The following GRID2 variants were observed in gnomAD, a reference collection of about 807,000 sequenced individuals.
GRID2 encodes the protein glutamate ionotropic receptor delta type subunit 2, also known as glutamate receptor ionotropic, delta-2.
In GRID2, 33 loss-of-function variants were observed where a neutral mutation model predicts 114.8. The observed-to-expected ratio is 0.29, with a 90% CI of 0.22 to 0.38. The LOEUF (loss-of-function observed/expected upper bound fraction) is 0.38. Among genes scored for constraint, GRID2 ranks in the 10% least tolerant of loss-of-function variants. The pLI is 1.00. For missense variants in GRID2, 1,184 were observed against 1,257.7 expected (o/e 0.94, Z 0.89); for synonymous variants, 505 against 449.9 (o/e 1.12, Z -1.55).
chr4:92,465,313 G>A (rs1721694705), intron 1 of GRID2, among the ~76,000 whole-genome samples: 1 of 151,714 alleles, frequency 6.6e-6, no homozygotes, highest in Non-Finnish European at 1.5e-5. Context: ...AACAAGTACA[G>A]ACTCAAGAAA....
chr4:93,327,327 A>C (rs962578628), intron 8 of GRID2, among the ~76,000 whole-genome samples: 6 of 152,138 alleles, frequency 3.9e-5, no homozygotes, highest in African/African-American at 1.4e-4. Context: ...CAACCTACCC[A>C]CAATGGATTT....
In GRID2 at chr4:93,281,390, CAG is replaced by C. The variant is rs202220294; in HGVS notation, c.1245+42904_1245+42905del. Among the ~76,000 whole-genome samples, 429 of 151,730 alleles carry C rather than the reference CAG, an allele frequency of 2.8e-3. 4 individuals carry two copies. Among genetic ancestry groups the C allele is most frequent in the Admixed American group, 0.021 (325 of 15,206 alleles). ...TGAAGAGGGCAGCAAGAGTGAAAGT[CAG>C]AGAAAAAACAGGGAGAGAACAGTCA... is the stretch of plus-strand genomic sequence containing the variant. On this transcript the variant is annotated intron_variant, in intron 8 of 15. Coordinates refer to ENST00000282020, the MANE Select transcript of GRID2 (RefSeq NM_001510.4).
intron 13 of GRID2, among the ~76,000 whole-genome samples, chr4:93,545,011 G>A (rs1230808552): frequency 6.6e-6 from 1 of 152,040 alleles, no homozygotes; most frequent in Non-Finnish European, 1.5e-5. Context: ...CACCCCCTAA[G>A]TGAATTAATC....
chr4:93,775,109 T>C (rs1734339231), downstream of GRID2, among the ~76,000 whole-genome samples: 1 of 148,818 alleles, frequency 6.7e-6, no homozygotes, highest in Admixed American at 6.7e-5. Context: ...CTAAGGGATA[T>C]ATATCTGAAA....
chr4:93,646,501 G>T (rs1005265885), intron 14 of GRID2, among the ~76,000 whole-genome samples: 6 of 152,102 alleles, frequency 3.9e-5, no homozygotes, highest in Non-Finnish European at 8.8e-5. Flanking sequence ...ATATACAATA[G>T]AACCTTGAAA....
At chr4:93,292,959 T>A (rs1282108797) in intron 8 of GRID2, among the ~76,000 whole-genome samples, 1 of 152,184 alleles carries the variant, frequency 6.6e-6, no homozygotes, top group African/African-American at 2.4e-5. Context: ...TATTCAGTAA[T>A]GTGGCATCTG....
chr4:93,052,062 T>C (rs369202997), intron 2 of GRID2, among the ~76,000 whole-genome samples: 17 of 152,074 alleles, frequency 1.1e-4, no homozygotes, highest in African/African-American at 3.4e-4. Flanking sequence ...CAGTCTAGAA[T>C]ATAATCAACT....
intron 10 of GRID2, among the ~76,000 whole-genome samples, chr4:93,436,007 A>AT (rs965796702): frequency 1.6e-4 from 25 of 151,742 alleles, no homozygotes; most frequent in African/African-American, 5.8e-4. Context: ...CATTTCTTAA[A>AT]AAAGGTATTC....
chr4:93,551,831 A>G (rs757978461), intron 13 of GRID2, among the ~76,000 whole-genome samples: 17 of 152,180 alleles, frequency 1.1e-4, no homozygotes, highest in Non-Finnish European at 2.1e-4. Flanking sequence ...GTCAAGACAC[A>G]CTGATGGCTT....
At chr4:92,932,530 A>T (rs1410397055) in intron 2 of GRID2, among the ~76,000 whole-genome samples, 3 of 151,294 alleles carry the variant, frequency 2.0e-5, no homozygotes, top group African/African-American at 7.3e-5. Context: ...ATATCTGTCA[A>T]TCCTAAAATC....
At chr4:93,591,370 G>A (rs369496863) in intron 13 of GRID2, among the ~76,000 whole-genome samples, 34 of 151,124 alleles carry the variant, frequency 2.2e-4, no homozygotes, top group Admixed American at 7.3e-4. Context: ...ATTGATTTGC[G>A]TATATTGAAC....
intron 10 of GRID2, among the ~76,000 whole-genome samples, chr4:93,440,221 T>C (rs752977499): frequency 6.6e-6 from 1 of 152,008 alleles, no homozygotes; most frequent in Non-Finnish European, 1.5e-5. Flanking sequence ...TGAAAATATA[T>C]GTATGGGCCA....
chr4:93,370,448 C>A (rs920637630), intron 8 of GRID2, among the ~76,000 whole-genome samples: 28 of 150,658 alleles, frequency 1.9e-4, no homozygotes, highest in African/African-American at 6.6e-4. Context: ...GGCACACACA[C>A]ACACGCACAC....
chr4:93,474,795 G>A (rs923542307), intron 11 of GRID2, among the ~76,000 whole-genome samples: 3 of 151,886 alleles, frequency 2.0e-5, no homozygotes, highest in African/African-American at 7.3e-5. Context: ...ATTCACCTTG[G>A]GTTAGGAAGC....
chr4:93,433,216 C>A (rs1239772063), intron 10 of GRID2, among the ~76,000 whole-genome samples: 2 of 152,108 alleles, frequency 1.3e-5, no homozygotes, highest in African/African-American at 4.8e-5. Flanking sequence ...TGAATCATGA[C>A]CCAAAATGAT....
At chr4:93,744,406 A>G (rs1404934424) in intron 14 of GRID2, among the ~76,000 whole-genome samples, 4 of 152,230 alleles carry the variant, frequency 2.6e-5, no homozygotes, top group Admixed American at 2.6e-4. Context: ...AGGACAAAAT[A>G]TCAACATCAA....
chr4:92,696,937 T>TTG (rs2149297834), intron 2 of GRID2, among the ~76,000 whole-genome samples: 1 of 152,274 alleles, frequency 6.6e-6, no homozygotes, highest in African/African-American at 2.4e-5. Flanking sequence ...GAACAAGGAA[T>TTG]TTCATATAGC....
intron 2 of GRID2, among the ~76,000 whole-genome samples, chr4:92,764,782 C>A (rs2149347702): frequency 6.6e-6 from 1 of 151,346 alleles, no homozygotes; most frequent in Middle Eastern, 3.5e-3. Context: ...TAGCTGTTGA[C>A]TGGAAATATC....
At chr4:92,669,839 C>G (rs1368235912) in intron 2 of GRID2, among the ~76,000 whole-genome samples, 2 of 152,094 alleles carry the variant, frequency 1.3e-5, no homozygotes, top group African/African-American at 4.8e-5. Flanking sequence ...GTAAGCCAAG[C>G]CACCTTCCAA....
Sources: gnomAD v4.1 joint callset for allele counts (sites outside exome capture counted in the v4.1 genomes callset) on GRCh38, gnomAD v4.1.1 for gene constraint, MANE v1.5 for transcripts, NCBI Gene and HGNC (gene_info 2026-07-23, HGNC 2026-07-21) for gene names.